EYA4: variants seen among roughly 807,000 people sequenced by gnomAD.
EYA4 encodes the protein protein phosphatase EYA4.
In EYA4, 31 loss-of-function variants were observed where a neutral mutation model predicts 87.9. The observed-to-expected ratio is 0.35, with a 90% CI of 0.27 to 0.48. The LOEUF (loss-of-function observed/expected upper bound fraction) is 0.48, where lower values mean the gene tolerates loss of function less well. Among genes scored for constraint, EYA4 ranks in the 20% least tolerant of loss-of-function variants. EYA4 has a pLI of 0.99. For synonymous variants in EYA4, 263 were observed against 270.6 expected (o/e 0.97, Z 0.28); for missense variants, 678 against 761.4 (o/e 0.89, Z 1.29).
chr6:133,484,804 A>T (rs1344007751), intron 13 of EYA4, among the ~76,000 whole-genome samples: 1 of 152,218 alleles, frequency 6.6e-6, no homozygotes, highest in African/African-American at 2.4e-5. Context: ...CCTTCAAAAT[A>T]GTCACCATGA....
chr6:133,483,698 G>GTTATATTA (rs1796435394), intron 13 of EYA4, among the ~76,000 whole-genome samples: 2 of 134,384 alleles, frequency 1.5e-5, no homozygotes, highest in Admixed American at 1.5e-4. Flanking sequence ...TTATTTCATT[G>GTTATATTA]TTATTATTAT....
At chr6:133,487,175 C>T (rs1796754500) in intron 13 of EYA4, among the ~76,000 whole-genome samples, 1 of 152,138 alleles carries the variant, frequency 6.6e-6, no homozygotes, top group African/African-American at 2.4e-5. Context: ...TAGCCAACAC[C>T]CATGGAGGGG....
At chr6:133,462,884 A>G in intron 9 of EYA4, 120 bp downstream of exon 9, 1 of 912,942 alleles carries the variant, frequency 1.1e-6, no homozygotes, top group South Asian at 1.4e-5. Flanking sequence ...CAGCTCACAC[A>G]ATTTCTAAAG....
chr6:133,516,925 C>T (rs371777139), intron 17 of EYA4, among the ~76,000 whole-genome samples: 9 of 152,236 alleles, frequency 5.9e-5, no homozygotes, highest in East Asian at 3.9e-4. Flanking sequence ...CATTGATGCA[C>T]AGTTAGGTTG....
intron 2 of EYA4, among the ~76,000 whole-genome samples, chr6:133,365,373 G>A (rs1784780786): frequency 6.6e-6 from 1 of 152,144 alleles, no homozygotes; most frequent in Non-Finnish European, 1.5e-5. Context: ...GGATTGAAGA[G>A]TTAATGGTAC....
chr6:133,279,181 T>C (rs1777423685), intron 2 of EYA4, among the ~76,000 whole-genome samples: 1 of 152,158 alleles, frequency 6.6e-6, no homozygotes, highest in South Asian at 2.1e-4. Context: ...AGAAATATAT[T>C]TTATTAATGT....
intron 2 of EYA4, among the ~76,000 whole-genome samples, chr6:133,308,058 G>A (rs1165365096): frequency 6.6e-6 from 1 of 152,144 alleles, no homozygotes; most frequent in Non-Finnish European, 1.5e-5. Context: ...CATGTAAGAT[G>A]TGCCTTTGCT....
At chr6:133,279,575 T>C (rs1340632592) in intron 2 of EYA4, among the ~76,000 whole-genome samples, 1 of 152,162 alleles carries the variant, frequency 6.6e-6, no homozygotes, top group African/African-American at 2.4e-5. Flanking sequence ...CATTTGTAGA[T>C]ATGAATTGTA....
At chr6:133,420,209 A>G (rs1166755190) in intron 3 of EYA4, among the ~76,000 whole-genome samples, 1 of 151,456 alleles carries the variant, frequency 6.6e-6, no homozygotes, top group African/African-American at 2.4e-5. Flanking sequence ...ATATGCATTC[A>G]TATTCACTAT....
Position 133,429,087 on chromosome 6 carries a change from C to T in EYA4, c.84-17543C>T, listed in dbSNP as rs112471071. On this transcript the variant is annotated intron_variant, in intron 3 of 19. Transcript: ENST00000355286. ...GATTACAGGTGTGCGCCACCACACC[C>T]GACTAATTTTTGTATTTTTAGTAGA... 2.6e-3 allele frequency among the ~76,000 whole-genome samples: 391 copies of T among 151,226 alleles called. 2 individuals are homozygous for T. Among genetic ancestry groups the T allele is most frequent in the African/African-American group, 8.0e-3 (330 of 41,240 alleles).
At chr6:133,344,133 T>C (rs1282426002) in intron 2 of EYA4, among the ~76,000 whole-genome samples, 1 of 152,184 alleles carries the variant, frequency 6.6e-6, no homozygotes. Flanking sequence ...GGAGAAAGGC[T>C]GGACATGTTT....
chr6:133,443,563 T>C (rs1792517074), intron 3 of EYA4, among the ~76,000 whole-genome samples: 1 of 152,084 alleles, frequency 6.6e-6, no homozygotes, highest in Admixed American at 6.6e-5. Context: ...TACTTACCTT[T>C]TGTTTAATTT....
chr6:133,493,948 A>G (rs116310463), intron 13 of EYA4, among the ~76,000 whole-genome samples: 176 of 152,298 alleles, frequency 1.2e-3, no homozygotes, highest in African/African-American at 4.1e-3. Context: ...GGTTGTACAG[A>G]AAAGGGAACC....
intron 3 of EYA4, among the ~76,000 whole-genome samples, chr6:133,421,624 T>C (rs961387893): frequency 6.6e-6 from 1 of 152,202 alleles, no homozygotes; most frequent in African/African-American, 2.4e-5. Context: ...GTCTAGACTT[T>C]TCTGAAATTG....
intron 3 of EYA4, among the ~76,000 whole-genome samples, chr6:133,383,517 CAAAAAAAAAA>C (rs768724484): frequency 1.7e-3 from 75 of 45,238 alleles, no homozygotes; most frequent in Admixed American, 5.5e-3. Context: ...GACTCCATCT[CAAAAAAAAAA>C]AAAAAAAAAA....
chr6:133,449,841 A>G (rs1793247329), intron 5 of EYA4, among the ~76,000 whole-genome samples: 2 of 152,216 alleles, frequency 1.3e-5, no homozygotes, highest in African/African-American at 4.8e-5. Flanking sequence ...AACAGACTCC[A>G]TTTGGTCAGA....
chr6:133,485,459 A>G (rs1159160196), intron 13 of EYA4, among the ~76,000 whole-genome samples: 1 of 152,116 alleles, frequency 6.6e-6, no homozygotes, highest in Non-Finnish European at 1.5e-5. Context: ...ACATATCCAG[A>G]GAAGTAATAA....
chr6:133,384,362 A>G (rs1786513487), intron 3 of EYA4, among the ~76,000 whole-genome samples: 1 of 152,192 alleles, frequency 6.6e-6, no homozygotes, highest in South Asian at 2.1e-4. Flanking sequence ...TTTAATAATA[A>G]CTGTCTCTCT....
chr6:133,317,274 G>T (rs1366319465), intron 2 of EYA4, among the ~76,000 whole-genome samples: 1 of 152,162 alleles, frequency 6.6e-6, no homozygotes, highest in African/African-American at 2.4e-5. Context: ...TCTTCATGAT[G>T]CTTTGAAGAA....
Sources: allele counts gnomAD v4.1 joint callset (sites outside exome capture counted in the v4.1 genomes callset), GRCh38; gene constraint gnomAD v4.1.1; transcripts MANE v1.5; gene names NCBI Gene and HGNC (gene_info 2026-07-23, HGNC 2026-07-21).